The following STRADA variants were observed in gnomAD, a reference collection of about 807,000 sequenced individuals.
STRADA encodes the protein STE20-related kinase adapter protein alpha.
A neutral mutation model predicts 55.0 loss-of-function variants in STRADA; 26 were observed. The ratio of observed to expected loss-of-function variants is 0.47; its 90% CI spans 0.35 to 0.66. The LOEUF is 0.66. Ranked by LOEUF, STRADA falls within the 30% of genes least tolerant of loss-of-function variation. STRADA has a pLI of 0.01. For missense variants in STRADA, 443 were observed against 549.7 expected, an observed-to-expected ratio of 0.81 and a Z score of 1.94; for synonymous variants, 197 against 210.9, an observed-to-expected ratio of 0.93 and a Z score of 0.57.
chr17:63,721,006 G>A (rs1403722301), intron 4 of STRADA, among the ~76,000 whole-genome samples: 1 of 151,580 alleles, frequency 6.6e-6, no homozygotes, highest in African/African-American at 2.4e-5. Context: ...TGAGGAAGGA[G>A]AATCGCTTGA....
At chr17:63,732,416 C>G (rs1328285750) in intron 1 of STRADA, among the ~76,000 whole-genome samples, 1 of 151,704 alleles carries the variant, frequency 6.6e-6, no homozygotes, top group Non-Finnish European at 1.5e-5. Flanking sequence ...ACCTCCTGGG[C>G]TCAAGCAATC....
intron 1 of STRADA, among the ~76,000 whole-genome samples, chr17:63,740,145 TATACACACAC>T (rs1555712309): frequency 0.015 from 639 of 42,820 alleles, 50 homozygotes; most frequent in African/African-American, 0.042. Flanking sequence ...CATATATATA[TATACACACAC>T]ACACACACAC....
chr17:63,704,524 G>T lies in STRADA; in HGVS notation c.917C>A (p.Pro306His). The T allele has an allele frequency of 6.2e-7, 1 of 1,601,374 alleles. No homozygotes were observed. The highest frequency in any genetic ancestry group is 8.5e-7 in the Non-Finnish European group (1 of 1,172,940). Residue 306 changes from proline to histidine, a missense_variant, in exon 11 of 13, where the codon CCC (proline) becomes CAC (histidine). Transcript: ENST00000336174. ...VPCLLDTSTI[P>H]AEELTMSPSR... ...AGGGCTCATGGTCAGCTCCTCAGCGGGGATGGTGCTGGTATCCAACAGGCA... is the reference window on the plus strand; with the variant it reads ...AGGGCTCATGGTCAGCTCCTCAGCGTGGATGGTGCTGGTATCCAACAGGCA...
At chr17:63,716,727 A>C (rs1356272932) in intron 4 of STRADA, among the ~76,000 whole-genome samples, 1 of 152,242 alleles carries the variant, frequency 6.6e-6, no homozygotes, top group East Asian at 1.9e-4. Context: ...GTGTACGTCC[A>C]TATTAAAGGC....
chr17:63,728,889 C>CA (rs72080041), intron 1 of STRADA, among the ~76,000 whole-genome samples: 92,885 of 141,508 alleles, frequency 0.66, 30,335 homozygotes, highest in African/African-American at 0.77. Context: ...GAGACTGTCT[C>CA]AAAAAAAAAA....
intron 10 of STRADA, 178 bp from the exon 11 acceptor site, chr17:63,704,760 G>A: frequency 6.5e-7 from 1 of 1,531,320 alleles, no homozygotes; most frequent in Non-Finnish European, 8.7e-7. Context: ...GCTGGTCACT[G>A]GCGTGGCAGC....
intron 4 of STRADA, among the ~76,000 whole-genome samples, chr17:63,719,626 G>T (rs911259953): frequency 6.6e-6 from 1 of 152,094 alleles, no homozygotes; most frequent in Non-Finnish European, 1.5e-5. Flanking sequence ...TGGGATTACA[G>T]GTGCGTGCTA....
chr17:63,720,737 T>C (rs1171747516), intron 4 of STRADA, among the ~76,000 whole-genome samples: 2 of 144,642 alleles, frequency 1.4e-5, no homozygotes, highest in African/African-American at 5.2e-5. Context: ...ATCGCGCCAC[T>C]GCACTCCAGC....
chr17:63,727,710 G>GA (rs1436002823), intron 2 of STRADA: 1 of 152,048 alleles, frequency 6.6e-6, no homozygotes, highest in Non-Finnish European at 1.5e-5. Context: ...AATATGTAAA[G>GA]AAAGTGGTAT....
At chr17:63,707,599 C>A in intron 8 of STRADA, 181 bp from the exon 9 acceptor site, 1 of 632,490 alleles carries the variant, frequency 1.6e-6, no homozygotes, top group Non-Finnish European at 2.7e-6. Flanking sequence ...CTCACTCTGT[C>A]ACCCGGCTAG....
chr17:63,728,825 G>A (rs888673127), intron 1 of STRADA, among the ~76,000 whole-genome samples: 1 of 149,456 alleles, frequency 6.7e-6, no homozygotes, highest in African/African-American at 2.5e-5. Flanking sequence ...CCAGGAGATG[G>A]AGATTGCAGT....
chr17:63,723,553 TGG>T, intron 3 of STRADA: 1 of 558,624 alleles, frequency 1.8e-6, no homozygotes, highest in Non-Finnish European at 3.2e-6. Context: ...CTTCAAAAGG[TGG>T]CAAGGCTACT....
In STRADA at chr17:63,707,345, T is replaced by G; in HGVS notation, c.655A>C (p.Ser219Arg). ...TGCCGCTGCCCATGGCTTATCATGCTGAGGTTGCTGCGCAAACCAGACAGG... is the reference window on the plus strand; with the variant it reads ...TGCCGCTGCCCATGGCTTATCATGCGGAGGTTGCTGCGCAAACCAGACAGG... Reference protein sequence around the residue: ...VYLSGLRSNLSMISHGQRQRV... With the variant: ...VYLSGLRSNLRMISHGQRQRV... The change falls in exon 9 of 13, where the codon AGC (serine) becomes CGC (arginine). Residue 219 changes from serine (S) to arginine (R), a missense_variant. Ser to Arg is a moderately radical substitution (Grantham distance 110). Coordinates refer to ENST00000336174, the MANE Select transcript of STRADA (RefSeq NM_001003787.4). 6.2e-7 allele frequency: 1 copy of G among 1,614,208 alleles called. No homozygotes were observed. Among genetic ancestry groups the G allele is most frequent in the Non-Finnish European group, 8.5e-7 (1 of 1,180,032 alleles).
intron 1 of STRADA, among the ~76,000 whole-genome samples, chr17:63,740,731 C>T (rs2038881055): frequency 6.6e-6 from 1 of 152,090 alleles, no homozygotes; most frequent in African/African-American, 2.4e-5. Context: ...TGTTCCAAAG[C>T]CTGCGCTCTA....
intron 1 of STRADA, among the ~76,000 whole-genome samples, chr17:63,731,186 C>G (rs1362502862): frequency 6.7e-6 from 1 of 149,702 alleles, no homozygotes; most frequent in African/African-American, 2.5e-5. Flanking sequence ...TCGTGATCTG[C>G]CCGCCTCGGG....
At chr17:63,730,542 C>T (rs2037964798) in intron 1 of STRADA, among the ~76,000 whole-genome samples, 1 of 151,656 alleles carries the variant, frequency 6.6e-6, no homozygotes, top group East Asian at 1.9e-4. Flanking sequence ...ACTACAGGTA[C>T]ATGCCATCAT....
At chr17:63,722,431 G>A (rs532815102) in intron 4 of STRADA, among the ~76,000 whole-genome samples, 5 of 152,146 alleles carry the variant, frequency 3.3e-5, no homozygotes, top group African/African-American at 9.7e-5. Flanking sequence ...AATTGGCATC[G>A]TATTCTAGAA....
In STRADA at chr17:63,703,586, A is replaced by G. The variant is rs779554599; in HGVS notation, c.*13T>C. On this transcript the variant is annotated 3_prime_UTR_variant, in exon 13 of 13. Transcript: ENST00000336174. The stretch of plus-strand genomic sequence containing the variant: ...GCATCCCTGGCTGGAGAATGCGCAC[A>G]GTTTGCAGAGGCTCAGAACTCCCAA... 3 of 1,611,024 alleles carry G rather than the reference A, an allele frequency of 1.9e-6. No homozygotes were observed. Among genetic ancestry groups the G allele is most frequent in the Non-Finnish European group, 2.5e-6 (3 of 1,178,392 alleles).
chr17:63,704,255 G>A, intron 11 of STRADA, 86 bp downstream of exon 11: 1 of 1,573,674 alleles, frequency 6.4e-7, no homozygotes, highest in Non-Finnish European at 8.6e-7. Context: ...CAGAACCTTT[G>A]GGAGGTAAGT....
Sources: gnomAD v4.1 joint callset for allele counts (sites outside exome capture counted in the v4.1 genomes callset) on GRCh38, gnomAD v4.1.1 for gene constraint, MANE v1.5 for transcripts, NCBI Gene and HGNC (gene_info 2026-07-23, HGNC 2026-07-21) for gene names.